Variants in TRDN observed in about 807,000 individuals in gnomAD.
TRDN encodes triadin in skeletal muscle.
Under a neutral mutation model 149.7 loss-of-function variants are expected in TRDN, and 161 were observed. That is an observed-to-expected ratio of 1.08 (90% CI 0.95 to 1.23). The LOEUF (loss-of-function observed/expected upper bound fraction) is 1.23, where lower values mean the gene tolerates loss of function less well. Ranked by LOEUF, TRDN falls within the 50% of genes most tolerant of loss-of-function variation. The pLI is 0.00. For synonymous variants in TRDN, 294 were observed against 250.5 expected, an observed-to-expected ratio of 1.17 and a Z score of -1.64; for missense variants, 896 against 823.5, an observed-to-expected ratio of 1.09 and a Z score of -1.08.
chr6:123,544,251 A>C (rs1043336380), intron 4 of TRDN, among the ~76,000 whole-genome samples: 1 of 20,402 alleles, frequency 4.9e-5, no homozygotes, highest in African/African-American at 6.9e-4. Flanking sequence ...GTACATACAC[A>C]CACACACACA....
chr6:123,222,431 T>G (rs1775182613), intron 39 of TRDN, among the ~76,000 whole-genome samples: 1 of 151,652 alleles, frequency 6.6e-6, no homozygotes, highest in Admixed American at 6.6e-5. Flanking sequence ...ACATTAAAGT[T>G]TTAGAAGCAC....
At position 123,242,427 on chromosome 6, in the gene TRDN, T is replaced by C. The variant is rs115951160; in HGVS notation, c.1975+9985A>G. On this transcript the variant is annotated intron_variant, in intron 38 of 40. Transcript: ENST00000334268. ...TCCCAATGTCTTCCTCCAAACTCCA[T>C]GAGAAGCACATTATTTATCATATAT... Among the ~76,000 whole-genome samples, 1,127 of 152,086 alleles carry C rather than the reference T, an allele frequency of 7.4e-3. 13 individuals are homozygous for C. Among genetic ancestry groups the C allele is most frequent in the African/African-American group, 0.026 (1,077 of 41,496 alleles).
chr6:123,550,787 G>C (rs1043340227), intron 2 of TRDN, among the ~76,000 whole-genome samples: 5 of 151,908 alleles, frequency 3.3e-5, no homozygotes, highest in Non-Finnish European at 7.4e-5. Flanking sequence ...ATAAAATGCT[G>C]CTTTCTGGGA....
At chr6:123,528,723 A>G in intron 5 of TRDN, 1 of 988,002 alleles carries the variant, frequency 1.0e-6, no homozygotes, top group Non-Finnish European at 1.2e-6. Context: ...ATTTGAGAAT[A>G]AAGAGCAGGC....
At chr6:123,320,578 A>G (rs961402174) in intron 23 of TRDN, among the ~76,000 whole-genome samples, 1 of 152,092 alleles carries the variant, frequency 6.6e-6, no homozygotes, top group African/African-American at 2.4e-5. Flanking sequence ...TATACTCCCT[A>G]GTAAGTGGCA....
intron 5 of TRDN, among the ~76,000 whole-genome samples, chr6:123,522,519 T>C (rs1258698169): frequency 8.6e-6 from 1 of 116,650 alleles, no homozygotes. Flanking sequence ...CGGTTCCTCT[T>C]TTTTTTTTTT....
chr6:123,377,628 G>T, intron 18 of TRDN, 88 bp downstream of exon 18: 1 of 1,482,442 alleles, frequency 6.7e-7, no homozygotes, highest in South Asian at 1.2e-5. Context: ...ACCCTTTACT[G>T]GCGCTGCCTT....
At chr6:123,555,025 T>G (rs1353381587) in intron 2 of TRDN, among the ~76,000 whole-genome samples, 2 of 152,116 alleles carry the variant, frequency 1.3e-5, no homozygotes, top group Non-Finnish European at 2.9e-5. Flanking sequence ...AGACTTTGGG[T>G]CCTGGAGTTT....
chr6:123,269,917 G>C (rs1777150240), intron 30 of TRDN, 51 bp from the exon 31 acceptor site: 1 of 1,558,502 alleles, frequency 6.4e-7, no homozygotes, highest in African/African-American at 1.4e-5. Flanking sequence ...ACAAACCATG[G>C]AAAAAATAAC....
rs149141582 is a variant in TRDN at position 123,239,165 on chromosome 6, TA to T, written c.1975+13246del. Among the ~76,000 whole-genome samples the T allele has an allele frequency of 5.5e-3, 835 of 152,218 alleles. 28 individuals are homozygous for T. In the South Asian group the frequency reaches 0.077, roughly 14 times the overall value. On this transcript the variant is annotated intron_variant, in intron 38 of 40. Transcript: ENST00000334268. ...TATACTCTTTTTAAAAAGAGCTTTG[TA>T]AGGGATATAGAAGTCATCATATAAA... is the stretch of plus-strand genomic sequence containing the variant.
intron 9 of TRDN, among the ~76,000 whole-genome samples, chr6:123,493,977 A>C (rs1337112515): frequency 6.6e-6 from 1 of 152,204 alleles, no homozygotes; most frequent in Non-Finnish European, 1.5e-5. Context: ...ATAGTTTATT[A>C]AATGAAACAA....
chr6:123,447,658 A>G (rs1168412600), intron 10 of TRDN, among the ~76,000 whole-genome samples: 2 of 151,428 alleles, frequency 1.3e-5, no homozygotes, highest in Non-Finnish European at 2.9e-5. Context: ...GTTGTAAAGG[A>G]CTCTAGGTCT....
intron 24 of TRDN, among the ~76,000 whole-genome samples, chr6:123,298,276 C>A (rs933291348): frequency 6.6e-6 from 1 of 152,010 alleles, no homozygotes; most frequent in African/African-American, 2.4e-5. Context: ...TATGACCCCA[C>A]TTGTTTATTT....
At chr6:123,460,479 A>G (rs1280059286) in intron 10 of TRDN, among the ~76,000 whole-genome samples, 1 of 152,098 alleles carries the variant, frequency 6.6e-6, no homozygotes, top group Non-Finnish European at 1.5e-5. Flanking sequence ...ATTTTATCAT[A>G]ATTTGTAACT....
intron 23 of TRDN, among the ~76,000 whole-genome samples, chr6:123,329,687 T>C (rs1779591259): frequency 6.6e-6 from 1 of 152,094 alleles, no homozygotes; most frequent in Non-Finnish European, 1.5e-5. Flanking sequence ...ATGCATAAAA[T>C]TTTAAAGCAC....
chr6:123,541,533 G>C (rs1454267194), intron 4 of TRDN, among the ~76,000 whole-genome samples: 1 of 152,052 alleles, frequency 6.6e-6, no homozygotes, highest in Admixed American at 6.6e-5. Flanking sequence ...TCTGGGCTTT[G>C]TCCCCCTCTC....
intron 20 of TRDN, among the ~76,000 whole-genome samples, chr6:123,365,155 C>G (rs1242729653): frequency 6.6e-6 from 1 of 152,066 alleles, no homozygotes; most frequent in East Asian, 1.9e-4. Flanking sequence ...AATAATAGAG[C>G]TGTATTTGAA....
chr6:123,308,156 T>C (rs1245218773), intron 24 of TRDN, among the ~76,000 whole-genome samples: 1 of 152,096 alleles, frequency 6.6e-6, no homozygotes, highest in East Asian at 1.9e-4. Context: ...GATAACGACT[T>C]CCAGCTGCAT....
intron 20 of TRDN, among the ~76,000 whole-genome samples, chr6:123,364,261 G>A (rs1781006586): frequency 6.6e-6 from 1 of 152,184 alleles, no homozygotes. Context: ...CTATGGATCA[G>A]CTACCAGGAG....
Sources: gnomAD v4.1 joint callset for allele counts (sites outside exome capture counted in the v4.1 genomes callset) on GRCh38, gnomAD v4.1.1 for gene constraint, MANE v1.5 for transcripts, NCBI Gene and HGNC (gene_info 2026-07-23, HGNC 2026-07-21) for gene names.